Variants in ACOX3 observed in about 807,000 individuals in gnomAD.
ACOX3 encodes peroxisomal acyl-coenzyme A oxidase 3.
ACOX3 carries 73 observed loss-of-function variants against 81.5 expected under a neutral mutation model. The ratio of observed to expected loss-of-function variants is 0.90; its 90% CI spans 0.74 to 1.09. ACOX3 has a LOEUF of 1.09. Among genes scored for constraint, ACOX3 ranks in the 50% least tolerant of loss-of-function variants. The pLI is 0.00. For synonymous variants in ACOX3, 387 were observed against 375.1 expected (o/e 1.03, Z -0.37); for missense variants, 947 against 928.0 (o/e 1.02, Z -0.27).
Position 8,373,448 on chromosome 4 carries a change from C to CA in ACOX3, c.1896+112_1896+113insT, listed in dbSNP as rs201935994. On this transcript the variant is annotated intron_variant, in intron 16 of 17. Transcript: ENST00000356406. ...TGACGCTAAGGGGGTGCGTGTCAGT[C>CA]TGGGTGATACTAAGGCGGTGCGTGT... 456 of 1,124,548 alleles carry CA rather than the reference C, an allele frequency of 4.1e-4. 2 individuals are homozygous for CA. In the African/African-American group the frequency reaches 6.6e-3, roughly 16 times the overall value. The allele number at this position is 1,124,548 out of a possible 1,614,324, so 69.7% of individuals were successfully genotyped here.
chr4:8,355,440 G>A, the ACOX3 span: 6 of 152,320 alleles, frequency 3.9e-5, no homozygotes, highest in Middle Eastern at 3.4e-3. Flanking sequence ...CAGGTCCAGC[G>A]ACAATGATTT....
Position 8,437,127 on chromosome 4 carries a change from G to A in ACOX3, c.-15+3521C>T, listed in dbSNP as rs553711518. ...TACATATATATGTAAAAAAATATAT[G>A]TAAATATATATATAAATATATATAT... On this transcript the variant is annotated intron_variant, in intron 1 of 17. Coordinates refer to ENST00000356406, the MANE Select transcript of ACOX3 (RefSeq NM_003501.3). This position sits in a 1 kb window ranked among gnomAD's most constrained non-coding sequence, Gnocchi z 5.2. Among the ~76,000 whole-genome samples the A allele has an allele frequency of 1.3e-4, 17 of 135,834 alleles. No individual in the cohort carries two copies. In the South Asian group the frequency reaches 3.6e-3, roughly 29 times the overall value. The allele number at this position is 135,834 out of a possible 152,430, so 89.1% of individuals were successfully genotyped here. A position where few individuals can be genotyped will look rare whatever the true frequency, so the allele number is the denominator to read the frequency against.
In ACOX3 at chr4:8,389,747, C is replaced by G; in HGVS notation, c.1301-13G>C. 1 of 1,613,252 alleles carries G rather than the reference C, an allele frequency of 6.2e-7. No individual in the cohort carries two copies. The highest frequency in any genetic ancestry group is 8.5e-7 in the Non-Finnish European group (1 of 1,179,672). On this transcript the variant is annotated splice_polypyrimidine_tract_variant and intron_variant, in intron 11 of 17. Coordinates refer to ENST00000356406, the MANE Select transcript of ACOX3 (RefSeq NM_003501.3). The surrounding 1 kb of genome is among the most constrained non-coding windows in gnomAD (Gnocchi z 5.3). ...CCCAACCGGTTCACTGCAACAAAGC[C>G]ACAATAGTACCATCATTTAAGACGC...
rs1718307433 is a variant in ACOX3 at position 8,386,442 on chromosome 4, T to C, written c.1537+2731A>G. On this transcript the variant is annotated intron_variant, in intron 13 of 17. Transcript: ENST00000356406. The surrounding 1 kb of genome is among the most constrained non-coding windows in gnomAD (Gnocchi z 5.2). Reference sequence around the variant, plus strand: ...TTAGCCGGGTGTGGTTGTGGGCTCCTGTAGTCCCAGCTACTCCGGAGGCTG... The same window carrying C: ...TTAGCCGGGTGTGGTTGTGGGCTCCCGTAGTCCCAGCTACTCCGGAGGCTG... Among the ~76,000 whole-genome samples, 1 of 151,832 alleles carries C rather than the reference T, an allele frequency of 6.6e-6. No homozygotes were observed. The highest frequency in any genetic ancestry group is 2.4e-5 in the African/African-American group (1 of 41,304).
chr4:8,383,593 C>T (rs1281438356), intron 13 of ACOX3, among the ~76,000 whole-genome samples: 1 of 152,214 alleles, frequency 6.6e-6, no homozygotes, highest in Non-Finnish European at 1.5e-5. Flanking sequence ...AGGCGGGTAG[C>T]CCTGCCCCAT....
chr4:8,389,525 A>G lies in ACOX3; in HGVS notation c.1423+87T>C. ...TTCTGCAAACCTAGGATGCATTCAC[A>G]GAACAGCTGAATCAGTGAGGCCAGG... On this transcript the variant is annotated intron_variant, in intron 12 of 17. Coordinates refer to ENST00000356406, the MANE Select transcript of ACOX3 (RefSeq NM_003501.3). The surrounding 1 kb of genome is among the most constrained non-coding windows in gnomAD (Gnocchi z 5.3). 7 of 1,582,968 alleles carry G rather than the reference A, an allele frequency of 4.4e-6. No homozygotes were observed. The highest frequency in any genetic ancestry group is 6.0e-6 in the Non-Finnish European group (7 of 1,159,468).
chr4:8,392,268 C>T, intron 11 of ACOX3, 65 bp downstream of exon 11: 1 of 1,376,748 alleles, frequency 7.3e-7, no homozygotes, highest in South Asian at 2.0e-5. Flanking sequence ...TCTGCCGACC[C>T]CTGGTCTAGA....
Position 8,414,401 on chromosome 4 carries a change from A to G in ACOX3, c.454-20T>C. Reference sequence around the variant, plus strand: ...AAAAATCTAAATGTCAAAGCACAAAATGATGGAAAGCAAGAAAAGTTCTTT... The same window carrying G: ...AAAAATCTAAATGTCAAAGCACAAAGTGATGGAAAGCAAGAAAAGTTCTTT... On this transcript the variant is annotated intron_variant, in intron 4 of 17. Transcript: ENST00000356406. The surrounding 1 kb of genome is among the most constrained non-coding windows in gnomAD (Gnocchi z 6.1). 1 of 1,606,732 alleles carries G rather than the reference A, an allele frequency of 6.2e-7. No individual in the cohort carries two copies. The highest frequency in any genetic ancestry group is 8.5e-7 in the Non-Finnish European group (1 of 1,173,218).
rs1220549232 is a variant in ACOX3 at position 8,437,918 on chromosome 4, A to G, written c.-15+2730T>C. Among the ~76,000 whole-genome samples, 1 of 152,376 alleles carries G rather than the reference A, an allele frequency of 6.6e-6. No individual in the cohort carries two copies. The highest frequency in any genetic ancestry group is 1.5e-5 in the Non-Finnish European group (1 of 68,036). On this transcript the variant is annotated intron_variant, in intron 1 of 17. Transcript: ENST00000356406. This position sits in a 1 kb window ranked among gnomAD's most constrained non-coding sequence, Gnocchi z 5.2. Reference sequence around the variant, plus strand: ...GCTCCCAGGAGCCCATTGTCACATTAGAAGTTAAAAGCAGCAGGATTCTGC... The same window carrying G: ...GCTCCCAGGAGCCCATTGTCACATTGGAAGTTAAAAGCAGCAGGATTCTGC...
chr4:8,377,722 T>C (rs761549514), intron 14 of ACOX3, among the ~76,000 whole-genome samples: 7 of 152,192 alleles, frequency 4.6e-5, no homozygotes, highest in African/African-American at 7.2e-5. Flanking sequence ...GTGTCTGCCA[T>C]GGCAACCAGC....
In ACOX3 at chr4:8,393,400, A is replaced by C. The variant is rs2108873278; in HGVS notation, c.1180-947T>G. Among the ~76,000 whole-genome samples the C allele has an allele frequency of 1.5e-5, 2 of 130,580 alleles. 1 individual carries two copies. Among genetic ancestry groups the C allele is most frequent in the African/African-American group, 6.6e-5 (2 of 30,364 alleles). The allele number at this position is 130,580 out of a possible 152,430, so 85.7% of individuals were successfully genotyped here. On this transcript the variant is annotated intron_variant, in intron 10 of 17. Coordinates refer to ENST00000356406, the MANE Select transcript of ACOX3 (RefSeq NM_003501.3). ...CTAGTCTGGGAGGCTGAGGCAAGAG[A>C]ATTGCTTGAACCCAGGAGGCAGAAA...
intron 16 of ACOX3, among the ~76,000 whole-genome samples, chr4:8,372,971 G>A (rs576981150): frequency 1.7e-4 from 26 of 152,304 alleles, no homozygotes; most frequent in African/African-American, 6.0e-4. Flanking sequence ...AGCGGCTGCC[G>A]TGCTAAACAG....
At chr4:8,374,767 G>C (rs1410673512) in intron 15 of ACOX3, 2 of 488,312 alleles carry the variant, frequency 4.1e-6, no homozygotes, top group African/African-American at 3.9e-5. Flanking sequence ...CCAAGTGAAA[G>C]AAAAATTGGG....
chr4:8,415,427 T>A (rs755101809), intron 3 of ACOX3, among the ~76,000 whole-genome samples: 5 of 151,588 alleles, frequency 3.3e-5, no homozygotes, highest in Non-Finnish European at 2.9e-5. Flanking sequence ...ATTTTTTTTT[T>A]AATCATTTGT....
Position 8,410,333 on chromosome 4 carries a change from TC to T in ACOX3, c.565del (p.Asp189IlefsTer54), listed in dbSNP as rs1721583860. 8.1e-6 allele frequency: 13 copies of T among 1,613,964 alleles called. No individual in the cohort carries two copies. In the East Asian group the frequency reaches 2.9e-4, roughly 36 times the overall value. On this transcript the variant is annotated frameshift_variant, in exon 6 of 18. Coordinates refer to ENST00000356406, the MANE Select transcript of ACOX3 (RefSeq NM_003501.3). LOFTEE classifies it high-confidence loss of function. ...AACCCAAAACTTGGCAGCTTCGAAATCAGGGGAATGTATGATGAATTCCTGC... is the reference window on the plus strand; with the variant it reads ...AACCCAAAACTTGGCAGCTTCGAAATAGGGGAATGTATGATGAATTCCTGC... The part of the protein sequence containing the change: ...ATEEFIIHSP[D>X]FEAAKFWVGN...
rs1250109259 is a variant in ACOX3 at position 8,423,190 on chromosome 4, A to C, written c.-14-6655T>G. Among the ~76,000 whole-genome samples the C allele has an allele frequency of 6.6e-6, 1 of 152,168 alleles. No individual in the cohort carries two copies. ...CAGTCACTAGATACTTCTCCCAGCCACTAAGTTGTGACTGGGGAACTTCAT... is the reference window on the plus strand; with the variant it reads ...CAGTCACTAGATACTTCTCCCAGCCCCTAAGTTGTGACTGGGGAACTTCAT... On this transcript the variant is annotated intron_variant, in intron 1 of 17. Transcript: ENST00000356406. This position sits in a 1 kb window ranked among gnomAD's most constrained non-coding sequence, Gnocchi z 4.2.
rs747645442 is a variant in ACOX3 at position 8,410,262 on chromosome 4, G to A, written c.637C>T (p.Leu213=). 29 of 1,614,010 alleles carry A rather than the reference G, an allele frequency of 1.8e-5. 1 individual carries two copies. Among genetic ancestry groups the A allele is most frequent in the Middle Eastern group, 1.6e-4 (1 of 6,080 alleles). The change falls in exon 6 of 18, where the codon CTG becomes TTG. Residue 213 remains leucine (L), a synonymous_variant. Coordinates refer to ENST00000356406, the MANE Select transcript of ACOX3 (RefSeq NM_003501.3). ...TATHAVVFAK[L]CVPGDQCHGL... ...TGGCACTGGTCCCCTGGCACACACA[G>A]CTTAGCAAACACCACCGCGTGAGTG...
At chr4:8,391,207 T>A (rs1398398618) in intron 11 of ACOX3, among the ~76,000 whole-genome samples, 1 of 152,204 alleles carries the variant, frequency 6.6e-6, no homozygotes, top group Non-Finnish European at 1.5e-5. Context: ...GGACAAAGCA[T>A]GCAAATGAGT....
At chr4:8,373,914 T>C (rs1052403240) in intron 15 of ACOX3, 2 of 499,816 alleles carry the variant, frequency 4.0e-6, no homozygotes, top group South Asian at 4.6e-5. Context: ...GCTGGGCTCA[T>C]ACCTGCTGGG....
Sources: allele counts gnomAD v4.1 joint callset (sites outside exome capture counted in the v4.1 genomes callset), GRCh38; gene constraint gnomAD v4.1.1; non-coding constraint Gnocchi (gnomAD v3.1); transcripts MANE v1.5; gene names NCBI Gene and HGNC (gene_info 2026-07-23, HGNC 2026-07-21).